The following ACSS2 variants were observed in gnomAD, a reference collection of about 807,000 sequenced individuals.
ACSS2 encodes the protein acetyl-coenzyme A synthetase, cytoplasmic.
In ACSS2, 58 loss-of-function variants were observed where a neutral mutation model predicts 90.6. The ratio of observed to expected loss-of-function variants is 0.64; its 90% CI spans 0.52 to 0.80. The LOEUF is 0.80. Among genes scored for constraint, ACSS2 ranks in the 30% least tolerant of loss-of-function variants. The pLI, the probability that ACSS2 is intolerant of heterozygous loss-of-function variation, is 0.00. For synonymous variants in ACSS2, 300 were observed against 330.9 expected (o/e 0.91, Z 1.01); for missense variants, 759 against 912.0 (o/e 0.83, Z 2.16).
rs1025562280 is a variant in ACSS2, at chr20:34,876,619, C to T, written c.-27C>T. ...CCGGCACCCGCCGCGACCGCAAAGG[C>T]GGCCGCGGTTCTAGGAACTTGACGT... On this transcript the variant is annotated 5_prime_UTR_variant, in exon 1 of 18. Transcript: ENST00000360596. 1.5e-6 allele frequency: 2 copies of T among 1,305,374 alleles called. No individual in the cohort carries two copies. Among genetic ancestry groups the T allele is most frequent in the Non-Finnish European group, 2.0e-6 (2 of 1,020,176 alleles). 80.9% of individuals were successfully genotyped at this position (1,305,374 alleles called of 1,614,324 possible).
chr20:34,920,915 AAG>A, intron 9 of ACSS2, 89 bp from the exon 10 acceptor site: 1 of 1,577,376 alleles, frequency 6.3e-7, no homozygotes, highest in Admixed American at 1.7e-5. Context: ...GTTGGTCAGA[AAG>A]GGCAAAATAC....
At chr20:34,881,678 T>C (rs2080074811) in intron 1 of ACSS2, among the ~76,000 whole-genome samples, 1 of 152,226 alleles carries the variant, frequency 6.6e-6, no homozygotes. Context: ...TATTCATCTT[T>C]CAGATTTTAG....
intron 7 of ACSS2, among the ~76,000 whole-genome samples, chr20:34,917,344 G>A (rs764343935): frequency 6.6e-6 from 1 of 151,454 alleles, no homozygotes; most frequent in Non-Finnish European, 1.5e-5. Context: ...ACCAAATCAG[G>A]TGTGTTCTTA....
In ACSS2 at chr20:34,888,067, CAAAAAAAA is replaced by C. The variant is rs34578238; in HGVS notation, c.374+5093_374+5100del. On this transcript the variant is annotated intron_variant, in intron 2 of 17. Transcript: ENST00000360596. ...CCTGGGCAACAGAGCAAGACTCCAT[CAAAAAAAA>C]AAAAAAAAAAAAAAGCCTGAAAAGA... Among the ~76,000 whole-genome samples the C allele has an allele frequency of 4.2e-4, 26 of 62,518 alleles. No homozygotes were observed. The Admixed American group carries it at 4.9e-3, about 12-fold the overall frequency. The allele number at this position is 62,518 out of a possible 152,430, so 41.0% of individuals were successfully genotyped here. A position where few individuals can be genotyped will look rare whatever the true frequency, so the allele number is the denominator to read the frequency against.
chr20:34,875,462 G>C (rs1262994654), upstream of ACSS2, among the ~76,000 whole-genome samples: 1 of 152,110 alleles, frequency 6.6e-6, no homozygotes. Flanking sequence ...CCAGCTACTC[G>C]GGAGGCTGAG....
At chr20:34,913,051 A>C (rs775493399) in intron 2 of ACSS2, 45 bp from the exon 3 acceptor site, 7 of 1,442,632 alleles carry the variant, frequency 4.9e-6, no homozygotes, top group Non-Finnish European at 6.8e-6. Context: ...TTGTTTGGGG[A>C]AGAAGTTATA....
At chr20:34,901,746 GA>G (rs954774665) in intron 2 of ACSS2, among the ~76,000 whole-genome samples, 3 of 152,118 alleles carry the variant, frequency 2.0e-5, no homozygotes, top group African/African-American at 7.2e-5. Flanking sequence ...CTTATGCAAT[GA>G]AAATTTCAAG....
At chr20:34,891,311 A>T (rs2080329831) in intron 2 of ACSS2, among the ~76,000 whole-genome samples, 1 of 152,122 alleles carries the variant, frequency 6.6e-6, no homozygotes, top group Admixed American at 6.5e-5. Flanking sequence ...TGAACTACAG[A>T]TACTCTGCAA....
chr20:34,911,844 G>A (rs2080967016), intron 2 of ACSS2, among the ~76,000 whole-genome samples: 2 of 151,838 alleles, frequency 1.3e-5, no homozygotes, highest in Admixed American at 6.6e-5. Flanking sequence ...TGTTTGAGAC[G>A]GAGTCTTACT....
chr20:34,919,541 T>G lies in ACSS2; in HGVS notation c.941T>G (p.Leu314Arg). The stretch of plus-strand genomic sequence containing the variant: ...GATGCCGAGGACCCACTCTTCATCC[T>G]GTACACCAGTGGCTCCACAGGCAAA... ...WCDAEDPLFI[L>R]YTSGSTGKPK... Residue 314 changes from leucine to arginine, a missense_variant, in exon 8 of 18, where the codon CTG becomes CGG. Transcript: ENST00000360596. 1 of 1,611,498 alleles carries G rather than the reference T, an allele frequency of 6.2e-7. No homozygotes were observed. The highest frequency in any genetic ancestry group is 8.5e-7 in the Non-Finnish European group (1 of 1,179,894).
intron 2 of ACSS2, among the ~76,000 whole-genome samples, chr20:34,911,886 T>C (rs2080968284): frequency 6.6e-6 from 1 of 152,118 alleles, no homozygotes; most frequent in Non-Finnish European, 1.5e-5. Context: ...AGTGGCGTGA[T>C]CTTGGCTCAC....
chr20:34,914,270 C>T, intron 6 of ACSS2, 53 bp from the exon 7 acceptor site: 1 of 1,603,438 alleles, frequency 6.2e-7, no homozygotes, highest in Admixed American at 1.7e-5. Context: ...TGGGTCTTGC[C>T]AAGTTCCCTT....
At chr20:34,916,309 C>A (rs536133237) in intron 7 of ACSS2, among the ~76,000 whole-genome samples, 1 of 152,326 alleles carries the variant, frequency 6.6e-6, no homozygotes, top group Non-Finnish European at 1.5e-5. Flanking sequence ...TAAACTTGAA[C>A]AAATTACTTA....
At chr20:34,899,880 A>G (rs2080604558) in intron 2 of ACSS2, among the ~76,000 whole-genome samples, 1 of 152,166 alleles carries the variant, frequency 6.6e-6, no homozygotes, top group Non-Finnish European at 1.5e-5. Context: ...ACCTTTGGGT[A>G]CATGTTTTTG....
At chr20:34,881,623 A>G (rs149572383) in intron 1 of ACSS2, among the ~76,000 whole-genome samples, 2 of 152,264 alleles carry the variant, frequency 1.3e-5, no homozygotes, top group African/African-American at 4.8e-5. Context: ...CTCCTAACAT[A>G]TGCCCTTGGT....
intron 2 of ACSS2, among the ~76,000 whole-genome samples, chr20:34,903,244 A>T (rs2147040940): frequency 6.6e-6 from 1 of 151,874 alleles, no homozygotes; most frequent in Non-Finnish European, 1.5e-5. Flanking sequence ...TGGGAGGCTG[A>T]GGCAGGAGAA....
At chr20:34,902,168 A>C (rs964931848) in intron 2 of ACSS2, among the ~76,000 whole-genome samples, 1 of 152,194 alleles carries the variant, frequency 6.6e-6, no homozygotes, top group Non-Finnish European at 1.5e-5. Flanking sequence ...CCTATTATAT[A>C]CAAGGTTCTG....
At chr20:34,889,006 CTT>C (rs71299220) in intron 2 of ACSS2, among the ~76,000 whole-genome samples, 12 of 141,824 alleles carry the variant, frequency 8.5e-5, no homozygotes, top group Non-Finnish European at 1.4e-4. Flanking sequence ...ACTAGACAAT[CTT>C]TTTTTTTTTT....
intron 2 of ACSS2, among the ~76,000 whole-genome samples, chr20:34,894,000 C>T (rs1039781612): frequency 2.8e-4 from 42 of 152,116 alleles, no homozygotes; most frequent in African/African-American, 9.9e-4. Flanking sequence ...ATATGAACAC[C>T]TGCATTTCTA....
Sources: gnomAD v4.1 joint callset for allele counts (sites outside exome capture counted in the v4.1 genomes callset) on GRCh38, gnomAD v4.1.1 for gene constraint, MANE v1.5 for transcripts, NCBI Gene and HGNC (gene_info 2026-07-23, HGNC 2026-07-21) for gene names.